Variants in YAE1 observed in about 807,000 individuals in gnomAD.
YAE1 encodes protein YAE1 homolog.
In YAE1, 22 loss-of-function variants were observed where a neutral mutation model predicts 23.0. The ratio of observed to expected loss-of-function variants is 0.96; its 90% CI spans 0.68 to 1.37. The LOEUF is 1.37. Among genes scored for constraint, YAE1 ranks in the 40% most tolerant of loss-of-function variants. The probability of loss-of-function intolerance (pLI) is 0.00; values close to 1 mark genes in which losing one functional copy is unlikely to be tolerated. For synonymous variants in YAE1, 101 were observed against 97.0 expected, an observed-to-expected ratio of 1.04 and a Z score of -0.24; for missense variants, 260 against 262.1, an observed-to-expected ratio of 0.99 and a Z score of 0.06.
intron 2 of YAE1, among the ~76,000 whole-genome samples, chr7:39,581,037 A>AG (rs1368859190): frequency 6.6e-6 from 1 of 152,222 alleles, no homozygotes; most frequent in Non-Finnish European, 1.5e-5. Context: ...CAACACTTGC[A>AG]GTTCATCTCT....
chr7:39,603,787 TAAAG>T (rs1204100343), intron 2 of YAE1, among the ~76,000 whole-genome samples: 1 of 152,156 alleles, frequency 6.6e-6, no homozygotes, highest in Non-Finnish European at 1.5e-5. Flanking sequence ...TAAATTGAGA[TAAAG>T]AAGTCATGTT....
At chr7:39,579,139 A>T (rs977916479) in intron 2 of YAE1, among the ~76,000 whole-genome samples, 2 of 152,228 alleles carry the variant, frequency 1.3e-5, no homozygotes, top group Non-Finnish European at 2.9e-5. Flanking sequence ...ATATTCTAAA[A>T]GCTTTACATA....
At chr7:39,604,749 T>G (rs964216522) in intron 2 of YAE1, among the ~76,000 whole-genome samples, 1 of 152,202 alleles carries the variant, frequency 6.6e-6, no homozygotes, top group African/African-American at 2.4e-5. Flanking sequence ...GATTTTTCCC[T>G]AGTATAAAGG....
chr7:39,591,433 A>T (rs1790899501), intron 2 of YAE1, among the ~76,000 whole-genome samples: 1 of 152,176 alleles, frequency 6.6e-6, no homozygotes, highest in Non-Finnish European at 1.5e-5. Context: ...GTATTCTCTT[A>T]GTTTTCATTT....
intron 2 of YAE1, among the ~76,000 whole-genome samples, chr7:39,591,944 C>T (rs530591549): frequency 6.6e-6 from 1 of 152,290 alleles, no homozygotes; most frequent in African/African-American, 2.4e-5. Context: ...CATTATGTAG[C>T]CTTTTCAGAT....
intron 1 of YAE1, chr7:39,570,028 A>C: frequency 7.3e-7 from 1 of 1,368,646 alleles, no homozygotes; most frequent in South Asian, 1.2e-5. Context: ...TTTGACAAGC[A>C]GGGCACCACG....
intron 2 of YAE1, among the ~76,000 whole-genome samples, chr7:39,597,454 T>A (rs914465399): frequency 6.6e-6 from 1 of 152,216 alleles, no homozygotes; most frequent in Non-Finnish European, 1.5e-5. Context: ...ACTGGGAACC[T>A]GTTTAACTTA....
chr7:39,590,527 TG>T (rs769201994), intron 2 of YAE1, among the ~76,000 whole-genome samples: 6 of 152,214 alleles, frequency 3.9e-5, no homozygotes, highest in East Asian at 1.9e-4. Context: ...AGAATTCAGA[TG>T]TTTTTTTAAT....
chr7:39,606,161 T>C (rs748722174), intron 2 of YAE1, among the ~76,000 whole-genome samples: 6 of 152,118 alleles, frequency 3.9e-5, no homozygotes, highest in Non-Finnish European at 8.8e-5. Context: ...CTTTGTGACT[T>C]CTAGCTGTAT....
chr7:39,580,985 A>G (rs956920065), intron 2 of YAE1, among the ~76,000 whole-genome samples: 6 of 152,212 alleles, frequency 3.9e-5, no homozygotes, highest in African/African-American at 1.4e-4. Context: ...TGCAGGAAGC[A>G]TCTCTACTTG....
At chr7:39,603,733 C>T (rs139379059) in intron 2 of YAE1, among the ~76,000 whole-genome samples, 18 of 152,256 alleles carry the variant, frequency 1.2e-4, no homozygotes, top group East Asian at 7.7e-4. Context: ...AAATTTAACA[C>T]ACACAAAGTT....
Position 39,572,434 on chromosome 7 carries a change from A to C in YAE1, c.409A>C (p.Ile137Leu). 6.2e-7 allele frequency: 1 copy of C among 1,614,164 alleles called. No homozygotes were observed. Among genetic ancestry groups the C allele is most frequent in the Non-Finnish European group, 8.5e-7 (1 of 1,179,986 alleles). The change falls in exon 3 of 3, where the codon ATT becomes CTT. Residue 137 changes from isoleucine (I) to leucine (L), a missense_variant. By Grantham distance (5) the Ile-to-Leu change is conservative. Coordinates refer to ENST00000223273, the MANE Select transcript of YAE1 (RefSeq NM_020192.5). ...PSHVVDLLDS[I>L]EDMDLCHVVP... is the part of the protein sequence containing the mutation. Reference sequence around the variant, plus strand: ...CCATGTTGTAGATTTATTGGACTCCATTGAGGATATGGACCTTTGTCATGT... The same window carrying C: ...CCATGTTGTAGATTTATTGGACTCCCTTGAGGATATGGACCTTTGTCATGT...
At chr7:39,610,114 C>G in exon 3 of YAE1, 5 of 1,089,680 alleles carry the variant, frequency 4.6e-6, no homozygotes, top group Non-Finnish European at 6.4e-6. Context: ...CTCCGGCAAG[C>G]TAGAACAATA....
At chr7:39,610,315 C>CAAATGT in exon 3 of YAE1, 1 of 489,798 alleles carries the variant, frequency 2.0e-6, no homozygotes. Flanking sequence ...CCAGGTTTGA[C>CAAATGT]CTCAAGGCAT....
chr7:39,591,072 C>T (rs912870135), intron 2 of YAE1, among the ~76,000 whole-genome samples: 4 of 152,192 alleles, frequency 2.6e-5, no homozygotes, highest in African/African-American at 7.2e-5. Context: ...GACTTACAGA[C>T]GGCTGCCTTC....
In YAE1 at chr7:39,566,500, C is replaced by T. The variant is rs1790469261; in HGVS notation, c.82C>T (p.Leu28Phe). The change falls in exon 1 of 3, where the codon CTC becomes TTC. Residue 28 changes from leucine to phenylalanine, a missense_variant. By Grantham distance (22) the Leu-to-Phe change is conservative. Coordinates refer to ENST00000223273, the MANE Select transcript of YAE1 (RefSeq NM_020192.5). ...GTTTGACGAAGAAGCAGACGAGTCG[C>T]TCCTGGCGCAGCGGGAATGGCAGAG... ...DVFDEEADES[L>F]LAQREWQSNM... The T allele has an allele frequency of 4.3e-6, 7 of 1,614,076 alleles. No individual in the cohort carries two copies. Among genetic ancestry groups the T allele is most frequent in the Non-Finnish European group, 3.4e-6 (4 of 1,180,036 alleles).
chr7:39,576,096 T>C (rs1405995028), downstream of YAE1, among the ~76,000 whole-genome samples: 1 of 152,226 alleles, frequency 6.6e-6, no homozygotes, highest in Non-Finnish European at 1.5e-5. Context: ...TCATCCCTGT[T>C]CATCCATAGC....
intron 2 of YAE1, 113 bp from the exon 3 acceptor site, chr7:39,572,164 T>G: frequency 8.8e-7 from 1 of 1,142,200 alleles, no homozygotes; most frequent in African/African-American, 1.6e-5. Flanking sequence ...AGAGGGGTTA[T>G]GAATTATAAA....
chr7:39,587,268 G>T (rs1044379712), intron 2 of YAE1, among the ~76,000 whole-genome samples: 1 of 151,594 alleles, frequency 6.6e-6, no homozygotes, highest in Admixed American at 6.6e-5. Flanking sequence ...TGTTGCCCAG[G>T]CTGGTCTCGA....
Sources: gnomAD v4.1 joint callset for allele counts (sites outside exome capture counted in the v4.1 genomes callset) on GRCh38, gnomAD v4.1.1 for gene constraint, MANE v1.5 for transcripts, NCBI Gene and HGNC (gene_info 2026-07-23, HGNC 2026-07-21) for gene names.